Variants in NRG3 observed in about 807,000 individuals in gnomAD.
NRG3 encodes neuregulin 3, also known as pro-neuregulin-3, membrane-bound isoform.
Under a neutral mutation model 66.9 loss-of-function variants are expected in NRG3, and 31 were observed. The observed-to-expected ratio is 0.46, with a 90% CI of 0.35 to 0.63. NRG3 has a LOEUF of 0.63. Ranked by LOEUF, NRG3 falls within the 20% of genes least tolerant of loss-of-function variation. The pLI, the probability that NRG3 is intolerant of heterozygous loss-of-function variation, is 0.00. For synonymous variants in NRG3, 393 were observed against 359.4 expected (o/e 1.09, Z -1.06); for missense variants, 910 against 878.9 (o/e 1.04, Z -0.45).
intron 2 of NRG3, among the ~76,000 whole-genome samples, chr10:82,363,736 C>T (rs948546691): frequency 4.6e-5 from 7 of 152,126 alleles, no homozygotes; most frequent in Admixed American, 6.6e-5. Flanking sequence ...GGATTACAGG[C>T]GTGAGCCACC....
intron 2 of NRG3, among the ~76,000 whole-genome samples, chr10:82,590,846 A>G (rs570626823): frequency 1.3e-5 from 2 of 152,322 alleles, no homozygotes; most frequent in South Asian, 4.1e-4. Context: ...GGAAGTCAGT[A>G]TCAAAGAAAG....
chr10:82,721,526 A>G (rs1218362113), intron 2 of NRG3, among the ~76,000 whole-genome samples: 1 of 151,662 alleles, frequency 6.6e-6, no homozygotes, highest in Non-Finnish European at 1.5e-5. Flanking sequence ...GGGTTCTGTC[A>G]ATTCTCCTGC....
chr10:82,120,006 T>C (rs2067983482), intron 1 of NRG3, among the ~76,000 whole-genome samples: 1 of 152,104 alleles, frequency 6.6e-6, no homozygotes, highest in Non-Finnish European at 1.5e-5. Context: ...TAAGGGAATA[T>C]GACACAGTTA....
chr10:82,094,219 G>A (rs1305703649), intron 1 of NRG3, among the ~76,000 whole-genome samples: 2 of 152,138 alleles, frequency 1.3e-5, no homozygotes, highest in African/African-American at 4.8e-5. Flanking sequence ...TATGAGATTT[G>A]TATGTTTGTG....
chr10:82,695,416 T>A (rs190129990), intron 2 of NRG3, among the ~76,000 whole-genome samples: 16 of 152,242 alleles, frequency 1.1e-4, no homozygotes, highest in Admixed American at 9.2e-4. Context: ...CACGGAATCG[T>A]TAAATATAAT....
intron 1 of NRG3, among the ~76,000 whole-genome samples, chr10:82,302,973 C>T (rs950004833): frequency 1.3e-5 from 2 of 152,114 alleles, no homozygotes; most frequent in Non-Finnish European, 2.9e-5. Context: ...AACATGTGGC[C>T]TCCAGTATCA....
At chr10:82,545,407 C>T (rs186616618) in intron 2 of NRG3, among the ~76,000 whole-genome samples, 1,794 of 131,232 alleles carry the variant, frequency 0.014, 44 homozygotes, top group African/African-American at 0.048. Flanking sequence ...GAGACGGAGT[C>T]TCTCTCTGTC....
intron 4 of NRG3, among the ~76,000 whole-genome samples, chr10:82,892,964 C>A (rs1055424260): frequency 3.3e-5 from 5 of 151,780 alleles, no homozygotes; most frequent in Non-Finnish European, 7.4e-5. Context: ...GTGTATATTC[C>A]TGTAACTATG....
rs182282255 is a variant in NRG3 at position 82,935,890 on chromosome 10, C to T, written c.1055-15579C>T. On this transcript the variant is annotated intron_variant, in intron 4 of 8. Transcript: ENST00000372141. ...ATAATACTGAGCAAAAAAAAAAAAT[C>T]TAGACATATAAAGAACATATGGTAT... Among the ~76,000 whole-genome samples the T allele has an allele frequency of 1.8e-3, 267 of 151,104 alleles. 1 individual carries two copies. The highest frequency in any genetic ancestry group is 2.6e-3 in the Non-Finnish European group (175 of 67,864).
At chr10:82,306,188 A>C (rs1358523702) in intron 1 of NRG3, among the ~76,000 whole-genome samples, 1 of 152,202 alleles carries the variant, frequency 6.6e-6, no homozygotes, top group Non-Finnish European at 1.5e-5. Flanking sequence ...ATTTGTATTA[A>C]CACTTGATCA....
At chr10:82,243,900 G>A (rs1244492903) in intron 1 of NRG3, among the ~76,000 whole-genome samples, 2 of 152,172 alleles carry the variant, frequency 1.3e-5, no homozygotes, top group African/African-American at 2.4e-5. Context: ...TTCAAGGATA[G>A]CATTTAATAG....
intron 3 of NRG3, among the ~76,000 whole-genome samples, chr10:82,849,473 G>GT (rs1491477233): frequency 6.6e-6 from 1 of 152,178 alleles, no homozygotes; most frequent in African/African-American, 2.4e-5. Context: ...TTACATTCTA[G>GT]TGTGGAGCAG....
At chr10:82,983,626 G>A (rs1297821201) in intron 8 of NRG3, among the ~76,000 whole-genome samples, 3 of 152,138 alleles carry the variant, frequency 2.0e-5, no homozygotes, top group South Asian at 2.1e-4. Flanking sequence ...TCTATTTTAC[G>A]CACCCATTAA....
chr10:82,735,065 A>AAGG (rs1565256857), intron 2 of NRG3, among the ~76,000 whole-genome samples: 2 of 151,762 alleles, frequency 1.3e-5, no homozygotes, highest in African/African-American at 4.8e-5. Flanking sequence ...AGGAAGGAAG[A>AAGG]AAGAAAGAAA....
intron 2 of NRG3, among the ~76,000 whole-genome samples, chr10:82,472,732 GAATT>G (rs1057461081): frequency 1.3e-5 from 2 of 152,146 alleles, no homozygotes; most frequent in Non-Finnish European, 2.9e-5. Context: ...CAGATAACAG[GAATT>G]AATTAGTGTC....
At chr10:82,751,923 G>T (rs1452042958) in intron 3 of NRG3, among the ~76,000 whole-genome samples, 1 of 151,432 alleles carries the variant, frequency 6.6e-6, no homozygotes, top group Non-Finnish European at 1.5e-5. Flanking sequence ...ATCTAATTAT[G>T]GAACTTAATC....
chr10:82,077,674 A>G (rs1341248751), intron 1 of NRG3, among the ~76,000 whole-genome samples: 2 of 152,224 alleles, frequency 1.3e-5, no homozygotes, highest in African/African-American at 4.8e-5. Context: ...TTGAAGTTTA[A>G]AGAAATCTCA....
intron 2 of NRG3, among the ~76,000 whole-genome samples, chr10:82,462,387 C>A (rs958624852): frequency 9.3e-5 from 14 of 150,984 alleles, no homozygotes; most frequent in Non-Finnish European, 2.1e-4. Flanking sequence ...TCCAAATATA[C>A]ATATACACAT....
At chr10:82,849,439 G>A (rs2063463297) in intron 3 of NRG3, among the ~76,000 whole-genome samples, 1 of 152,162 alleles carries the variant, frequency 6.6e-6, no homozygotes, top group Admixed American at 6.5e-5. Context: ...CTAACACACA[G>A]TGAAGCCCCT....
Sources: gnomAD v4.1 joint callset for allele counts (sites outside exome capture counted in the v4.1 genomes callset) on GRCh38, gnomAD v4.1.1 for gene constraint, MANE v1.5 for transcripts, NCBI Gene and HGNC (gene_info 2026-07-23, HGNC 2026-07-21) for gene names.